The following LRBA variants were observed in gnomAD, a reference collection of about 807,000 sequenced individuals.
LRBA encodes LPS responsive beige-like anchor protein, also known as lipopolysaccharide-responsive and beige-like anchor protein.
A neutral mutation model predicts 330.0 loss-of-function variants in LRBA; 176 were observed. That is an observed-to-expected ratio of 0.53 (90% CI 0.47 to 0.60). LRBA has a LOEUF of 0.60. Among genes scored for constraint, LRBA ranks in the 20% least tolerant of loss-of-function variants. LRBA has a pLI of 0.00. For synonymous variants in LRBA, 1,230 were observed against 1,193.0 expected (o/e 1.03, Z -0.64); for missense variants, 3,259 against 3,444.8 (o/e 0.95, Z 1.35).
chr4:150,599,304 T>G lies in LRBA; in HGVS notation c.5922-173A>C, dbSNP rs995997599. ...TGCAATCTTTAACTTAGGTATGTCCTTGAAAATAACAATATCACCTTCTAG... is the reference window on the plus strand; with the variant it reads ...TGCAATCTTTAACTTAGGTATGTCCGTGAAAATAACAATATCACCTTCTAG... On this transcript the variant is annotated intron_variant, in intron 37 of 56. Transcript: ENST00000651943. Among the ~76,000 whole-genome samples the G allele has an allele frequency of 4.6e-5, 7 of 152,212 alleles. 1 individual carries two copies. Among genetic ancestry groups the G allele is most frequent in the Admixed American group, 4.6e-4 (7 of 15,282 alleles).
intron 44 of LRBA, among the ~76,000 whole-genome samples, chr4:150,443,386 G>A (rs1399013091): frequency 6.6e-6 from 1 of 152,114 alleles, no homozygotes; most frequent in Non-Finnish European, 1.5e-5. Flanking sequence ...CTGCTATAAA[G>A]ACACATGCAC....
chr4:150,963,242 G>A (rs980409014), intron 2 of LRBA, among the ~76,000 whole-genome samples: 4 of 148,722 alleles, frequency 2.7e-5, no homozygotes, highest in Non-Finnish European at 5.9e-5. Flanking sequence ...CCGAGCCGAG[G>A]CTGGACTGTA....
chr4:150,315,832 A>G (rs1368609373), intron 50 of LRBA, among the ~76,000 whole-genome samples: 1 of 152,168 alleles, frequency 6.6e-6, no homozygotes. Context: ...GAACTGTGCC[A>G]TCAGCAGTGG....
At chr4:150,945,437 A>T (rs1433838737) in intron 2 of LRBA, among the ~76,000 whole-genome samples, 1 of 152,170 alleles carries the variant, frequency 6.6e-6, no homozygotes, top group African/African-American at 2.4e-5. Context: ...ACAATACTAA[A>T]TTTTTTTAAA....
At chr4:150,643,634 C>T (rs1778881497) in intron 37 of LRBA, among the ~76,000 whole-genome samples, 1 of 151,860 alleles carries the variant, frequency 6.6e-6, no homozygotes, top group African/African-American at 2.4e-5. Context: ...TGATCTAGTG[C>T]TCATCTAAGA....
chr4:150,998,497 G>A (rs902712298), intron 2 of LRBA, among the ~76,000 whole-genome samples: 2 of 152,004 alleles, frequency 1.3e-5, no homozygotes, highest in Non-Finnish European at 2.9e-5. Flanking sequence ...AGGACTACAG[G>A]CACACACTAC....
chr4:150,491,131 A>C (rs1282732687), intron 40 of LRBA, 96 bp from the exon 41 acceptor site: 1 of 515,578 alleles, frequency 1.9e-6, no homozygotes, highest in East Asian at 3.1e-5. Flanking sequence ...CTATTAAGAA[A>C]AATAATTTTT....
chr4:150,468,552 G>A (rs1581404099), intron 43 of LRBA, among the ~76,000 whole-genome samples: 1 of 152,102 alleles, frequency 6.6e-6, no homozygotes, highest in East Asian at 1.9e-4. Context: ...AGCATAGTGG[G>A]TGAGATCATT....
At position 150,858,917 on chromosome 4, in the gene LRBA, A is replaced by G. The variant is rs1201092389; in HGVS notation, c.2767-5974T>C. ...TATACATTTTTGTATATGCCAGTTC[A>G]TATCTTATGATTTAAAAAATAATTT... On this transcript the variant is annotated intron_variant, in intron 22 of 56. Transcript: ENST00000651943. 3.3e-5 allele frequency among the ~76,000 whole-genome samples: 5 copies of G among 152,174 alleles called. No homozygotes were observed. In the East Asian group the frequency reaches 9.6e-4, roughly 29 times the overall value.
At chr4:150,470,754 T>C (rs528537654) in intron 43 of LRBA, among the ~76,000 whole-genome samples, 38 of 152,174 alleles carry the variant, frequency 2.5e-4, no homozygotes, top group Non-Finnish European at 4.7e-4. Flanking sequence ...CAGCTGCATA[T>C]CAAATGGTTG....
chr4:150,280,480 T>C (rs1747358896), intron 55 of LRBA, among the ~76,000 whole-genome samples: 2 of 152,260 alleles, frequency 1.3e-5, no homozygotes, highest in South Asian at 4.1e-4. Flanking sequence ...TTTGCTGCTC[T>C]GTACAGGCTG....
At chr4:150,464,598 A>G (rs1285705861) in intron 44 of LRBA, among the ~76,000 whole-genome samples, 2 of 151,816 alleles carry the variant, frequency 1.3e-5, no homozygotes, top group African/African-American at 2.4e-5. Flanking sequence ...CTCATGGTCA[A>G]TGGGTCAATT....
rs1381393098 is a variant in LRBA at position 150,758,174 on chromosome 4, C to A, written c.5645+3609G>T. Reference sequence around the variant, plus strand: ...TGTGTTACAAGAGAGGAACTCTGAGCTTAGGGCACTTGAATCTTCTGTGAC... The same window carrying A: ...TGTGTTACAAGAGAGGAACTCTGAGATTAGGGCACTTGAATCTTCTGTGAC... On this transcript the variant is annotated intron_variant, in intron 35 of 56. Coordinates refer to ENST00000651943, the MANE Select transcript of LRBA (RefSeq NM_001364905.1). 3.3e-5 allele frequency among the ~76,000 whole-genome samples: 5 copies of A among 152,308 alleles called. No individual in the cohort carries two copies. The East Asian group carries it at 7.7e-4, about 23-fold the overall frequency.
chr4:150,788,998 T>G (rs1338295217), intron 34 of LRBA, among the ~76,000 whole-genome samples: 4 of 152,038 alleles, frequency 2.6e-5, no homozygotes, highest in Non-Finnish European at 5.9e-5. Context: ...CACTTGAACC[T>G]GGGAGGCAGA....
At chr4:151,012,641 T>G (rs1744980620) in intron 2 of LRBA, among the ~76,000 whole-genome samples, 1 of 151,828 alleles carries the variant, frequency 6.6e-6, no homozygotes, top group Admixed American at 6.6e-5. Flanking sequence ...GATACCAGAG[T>G]TCATTATACT....
At chr4:150,995,429 C>T (rs1332816610) in intron 2 of LRBA, among the ~76,000 whole-genome samples, 1 of 150,922 alleles carries the variant, frequency 6.6e-6, no homozygotes, top group Non-Finnish European at 1.5e-5. Flanking sequence ...TGAAAATAAT[C>T]AGATATATAA....
At chr4:150,661,728 A>G (rs539317796) in intron 37 of LRBA, among the ~76,000 whole-genome samples, 2 of 152,098 alleles carry the variant, frequency 1.3e-5, no homozygotes, top group East Asian at 3.9e-4. Flanking sequence ...CTCATGACTC[A>G]GCTTCCTGTG....
intron 38 of LRBA, among the ~76,000 whole-genome samples, chr4:150,598,781 G>C (rs1215532295): frequency 1.3e-5 from 2 of 152,162 alleles, no homozygotes; most frequent in African/African-American, 2.4e-5. Flanking sequence ...AAGGGTCTAT[G>C]TTAAGTAAGT....
intron 48 of LRBA, among the ~76,000 whole-genome samples, chr4:150,349,113 A>T (rs1302191485): frequency 6.6e-6 from 1 of 152,196 alleles, no homozygotes; most frequent in Admixed American, 6.5e-5. Context: ...TCTAGCACAT[A>T]AGCCAGGTGA....
Sources: gnomAD v4.1 joint callset for allele counts (sites outside exome capture counted in the v4.1 genomes callset) on GRCh38, gnomAD v4.1.1 for gene constraint, MANE v1.5 for transcripts, NCBI Gene and HGNC (gene_info 2026-07-23, HGNC 2026-07-21) for gene names.